USP3: variants seen among roughly 807,000 people sequenced by gnomAD.
USP3 encodes ubiquitin carboxyl-terminal hydrolase 3.
USP3 carries 20 observed loss-of-function variants against 72.3 expected under a neutral mutation model. The observed-to-expected ratio is 0.28, with a 90% CI of 0.19 to 0.40. The LOEUF (loss-of-function observed/expected upper bound fraction) is 0.40, where lower values mean the gene tolerates loss of function less well. Ranked by LOEUF, USP3 falls within the 10% of genes least tolerant of loss-of-function variation. The pLI is 1.00. For synonymous variants in USP3, 222 were observed against 225.3 expected (o/e 0.99, Z 0.13); for missense variants, 479 against 633.9 (o/e 0.76, Z 2.62).
chr15:63,541,418 G>T (rs981698984), intron 3 of USP3, among the ~76,000 whole-genome samples: 2 of 152,052 alleles, frequency 1.3e-5, no homozygotes, highest in African/African-American at 4.8e-5. Context: ...TCTTATAAAC[G>T]ATTTGGACGC....
intron 3 of USP3, among the ~76,000 whole-genome samples, chr15:63,549,560 C>T (rs2066405625): frequency 6.6e-6 from 1 of 152,150 alleles, no homozygotes; most frequent in Non-Finnish European, 1.5e-5. Context: ...ATAGGTTTTG[C>T]AGCCACTTTA....
At chr15:63,589,834 A>T (rs2067152669) in intron 14 of USP3, among the ~76,000 whole-genome samples, 1 of 148,260 alleles carries the variant, frequency 6.7e-6, no homozygotes, top group Non-Finnish European at 1.5e-5. Flanking sequence ...TTTCCAAATC[A>T]CCAATTTGGG....
At chr15:63,577,928 CAAAA>C (rs60885501) in intron 11 of USP3, among the ~76,000 whole-genome samples, 25 of 122,646 alleles carry the variant, frequency 2.0e-4, no homozygotes, top group Admixed American at 2.5e-4. Context: ...GACCCTGCCT[CAAAA>C]AAAAAAAAAA....
rs1306227763 is a variant in USP3 at position 63,586,206 on chromosome 15, ATAT to A, written c.1097-2095_1097-2093del. On this transcript the variant is annotated intron_variant, in intron 11 of 14. Coordinates refer to ENST00000380324, the MANE Select transcript of USP3 (RefSeq NM_006537.4). ...CTGATTGCTTTAGCTAAAACTTCCA[ATAT>A]TATGTTGAACAGAAGTGGCAAAAGT... is the stretch of plus-strand genomic sequence containing the variant. Among the ~76,000 whole-genome samples the A allele has an allele frequency of 2.0e-5, 3 of 152,122 alleles. No homozygotes were observed. In the East Asian group the frequency reaches 5.8e-4, roughly 29 times the overall value.
chr15:63,569,421 T>G (rs1370612625), intron 8 of USP3, among the ~76,000 whole-genome samples: 1 of 152,194 alleles, frequency 6.6e-6, no homozygotes, highest in Non-Finnish European at 1.5e-5. Flanking sequence ...TTTTCATAAT[T>G]TATAATTTCC....
intron 3 of USP3, 55 bp downstream of exon 3, chr15:63,537,211 C>A: frequency 3.9e-6 from 6 of 1,557,860 alleles, no homozygotes; most frequent in Non-Finnish European, 5.2e-6. Flanking sequence ...GTGTGCTCTC[C>A]TCCCCTCCCT....
intron 1 of USP3, among the ~76,000 whole-genome samples, chr15:63,505,332 C>T (rs1302107559): frequency 6.6e-6 from 1 of 152,184 alleles, no homozygotes; most frequent in African/African-American, 2.4e-5. Context: ...CTCCTCTCCT[C>T]CGCCGAACCC....
chr15:63,578,615 A>AT (rs1338386883), intron 11 of USP3, among the ~76,000 whole-genome samples: 29 of 144,904 alleles, frequency 2.0e-4, no homozygotes, highest in Admixed American at 6.2e-4. Context: ...CCGTCTCAGA[A>AT]AAAAAAAAAA....
intron 11 of USP3, among the ~76,000 whole-genome samples, chr15:63,578,625 AAAAG>A (rs2066905490): frequency 2.0e-5 from 3 of 151,630 alleles, no homozygotes; most frequent in Non-Finnish European, 4.4e-5. Context: ...AAAAAAAAAA[AAAAG>A]AAGAAAAAAA....
At position 63,528,899 on chromosome 15, in the gene USP3, T is replaced by A; in HGVS notation, c.92-3748T>A. 2 of 720,700 alleles carry A rather than the reference T, an allele frequency of 2.8e-6. No individual in the cohort carries two copies. Among genetic ancestry groups the A allele is most frequent in the Non-Finnish European group, 3.9e-6 (2 of 510,900 alleles). 44.6% of individuals were successfully genotyped at this position (720,700 alleles called of 1,614,324 possible). A position where few individuals can be genotyped will look rare whatever the true frequency, so the allele number is the denominator to read the frequency against. Reference sequence around the variant, plus strand: ...CTATTTTATATTTGTCCTGGGTACATTAAAGGTTCTTAATTTGGATGAAGC... The same window carrying A: ...CTATTTTATATTTGTCCTGGGTACAATAAAGGTTCTTAATTTGGATGAAGC... On this transcript the variant is annotated intron_variant, in intron 1 of 14. Coordinates refer to ENST00000380324, the MANE Select transcript of USP3 (RefSeq NM_006537.4). The surrounding 1 kb of genome is among the most constrained non-coding windows in gnomAD (Gnocchi z 4.3).
chr15:63,576,496 C>G (rs2066866339), intron 11 of USP3, among the ~76,000 whole-genome samples: 1 of 152,176 alleles, frequency 6.6e-6, no homozygotes, highest in Non-Finnish European at 1.5e-5. Flanking sequence ...AGTTTAATAT[C>G]AAGCAGAGTC....
At chr15:63,558,793 T>C (rs1173638771) in intron 6 of USP3, among the ~76,000 whole-genome samples, 3 of 152,190 alleles carry the variant, frequency 2.0e-5, no homozygotes, top group African/African-American at 7.2e-5. Flanking sequence ...GAGAATCGCT[T>C]GAACCCAGGA....
chr15:63,519,231 T>TC (rs1192519753), intron 1 of USP3, among the ~76,000 whole-genome samples: 1 of 152,212 alleles, frequency 6.6e-6, no homozygotes, highest in African/African-American at 2.4e-5. Flanking sequence ...CCACCCTGGA[T>TC]CTAATCCAGG....
At chr15:63,549,263 A>G (rs977734263) in intron 3 of USP3, among the ~76,000 whole-genome samples, 4 of 152,254 alleles carry the variant, frequency 2.6e-5, no homozygotes, top group African/African-American at 9.6e-5. Flanking sequence ...AATTGCAGTT[A>G]AAAAAGTAGA....
rs147661289 is a variant in USP3, at chr15:63,529,217, C to T, written c.92-3430C>T. Reference sequence around the variant, plus strand: ...CTTTTTTTTGAGATATATTAAAAGGCACAGTCCATAGTCACTTGTTTCCAA... The same window carrying T: ...CTTTTTTTTGAGATATATTAAAAGGTACAGTCCATAGTCACTTGTTTCCAA... On this transcript the variant is annotated intron_variant, in intron 1 of 14. Coordinates refer to ENST00000380324, the MANE Select transcript of USP3 (RefSeq NM_006537.4). This position sits in a 1 kb window ranked among gnomAD's most constrained non-coding sequence, Gnocchi z 4.2. 1.3e-5 allele frequency: 6 copies of T among 450,214 alleles called. No homozygotes were observed. The East Asian group carries it at 4.2e-4, about 31-fold the overall frequency. The allele number at this position is 450,214 out of a possible 1,614,324, so 27.9% of individuals were successfully genotyped here.
intron 1 of USP3, among the ~76,000 whole-genome samples, chr15:63,526,507 A>G (rs796658973): frequency 2.0e-5 from 3 of 152,354 alleles, no homozygotes; most frequent in African/African-American, 7.2e-5. Flanking sequence ...GAACTTGCTT[A>G]AAAAACATAT....
chr15:63,586,137 A>C (rs28627799), intron 11 of USP3, among the ~76,000 whole-genome samples: 72,984 of 151,980 alleles, frequency 0.48, 18,414 homozygotes, highest in Non-Finnish European at 0.56. Flanking sequence ...GTCAGCAGAG[A>C]TAATTATACT....
rs1234972352 is a variant in USP3 at position 63,511,271 on chromosome 15, A to AAAAAAAAAAAAAAG, written c.91+6452_91+6453insAAGAAAAAAAAAAA. 3.4e-5 allele frequency among the ~76,000 whole-genome samples: 5 copies of AAAAAAAAAAAAAAG among 146,278 alleles called. 1 individual carries two copies. Among genetic ancestry groups the AAAAAAAAAAAAAAG allele is most frequent in the African/African-American group, 1.3e-4 (5 of 38,382 alleles). ...ACTTTTAGCTTGCTTTTTCTTAAAA[A>AAAAAAAAAAAAAAG]AAAAAAAAAAAGAGTCTTTATTTTG... On this transcript the variant is annotated intron_variant, in intron 1 of 14. Coordinates refer to ENST00000380324, the MANE Select transcript of USP3 (RefSeq NM_006537.4).
At chr15:63,513,894 T>G (rs2065819992) in intron 1 of USP3, among the ~76,000 whole-genome samples, 2 of 152,222 alleles carry the variant, frequency 1.3e-5, no homozygotes, top group African/African-American at 4.8e-5. Flanking sequence ...AACTGTATAA[T>G]ATAGAGACTG....
Sources: gnomAD v4.1 joint callset for allele counts (sites outside exome capture counted in the v4.1 genomes callset) on GRCh38, gnomAD v4.1.1 for gene constraint, Gnocchi (gnomAD v3.1) non-coding constraint, MANE v1.5 for transcripts, NCBI Gene and HGNC (gene_info 2026-07-23, HGNC 2026-07-21) for gene names.